The following DEUP1 variants were observed in gnomAD, a reference collection of about 807,000 sequenced individuals.
The protein encoded by DEUP1 is coiled-coil domain containing 67.
A neutral mutation model predicts 87.4 loss-of-function variants in DEUP1; 82 were observed. The observed-to-expected ratio is 0.94, with a 90% CI of 0.78 to 1.13. The LOEUF (loss-of-function observed/expected upper bound fraction) is 1.13. Among genes scored for constraint, DEUP1 ranks in the 50% most tolerant of loss-of-function variants. The probability of loss-of-function intolerance (pLI) is 0.00; values close to 1 mark genes in which losing one functional copy is unlikely to be tolerated. For synonymous variants in DEUP1, 214 were observed against 222.7 expected (o/e 0.96, Z 0.35); for missense variants, 663 against 681.5 (o/e 0.97, Z 0.30).
At position 93,371,306 on chromosome 11, in the gene DEUP1, A is replaced by G. The variant is rs1204351768; in HGVS notation, c.789+26A>G. ...GTGAAGATTAATTTTTTTTCAACTA[A>G]TATTGTCCATGACTTGTATAAATGG... On this transcript the variant is annotated intron_variant, in intron 7 of 13. Coordinates refer to ENST00000298050, the MANE Select transcript of DEUP1 (RefSeq NM_181645.4). 10 of 1,600,096 alleles carry G rather than the reference A, an allele frequency of 6.2e-6. No homozygotes were observed. The South Asian group carries it at 1.0e-4, about 16-fold the overall frequency.
At chr11:93,419,351 T>C (rs1947785297) in intron 13 of DEUP1, among the ~76,000 whole-genome samples, 2 of 152,154 alleles carry the variant, frequency 1.3e-5, no homozygotes, top group African/African-American at 2.4e-5. Context: ...GTGCTGTGTG[T>C]CATAGCCTGT....
At chr11:93,340,211 G>T (rs1480560159) in intron 2 of DEUP1, among the ~76,000 whole-genome samples, 1 of 152,026 alleles carries the variant, frequency 6.6e-6, no homozygotes, top group African/African-American at 2.4e-5. Context: ...AGAATAGAGA[G>T]TTACAGAGTA....
chr11:93,382,404 T>C (rs1210559821), intron 7 of DEUP1, among the ~76,000 whole-genome samples: 1 of 152,224 alleles, frequency 6.6e-6, no homozygotes, highest in Non-Finnish European at 1.5e-5. Flanking sequence ...ATTTGTATTA[T>C]GAAAAGTTTG....
At chr11:93,418,877 T>G (rs1454166127) in intron 13 of DEUP1, among the ~76,000 whole-genome samples, 1 of 152,148 alleles carries the variant, frequency 6.6e-6, no homozygotes, top group African/African-American at 2.4e-5. Context: ...TTCATGTCCT[T>G]TGTAGGGATA....
intron 2 of DEUP1, among the ~76,000 whole-genome samples, chr11:93,333,908 A>G (rs1943612160): frequency 6.6e-6 from 1 of 152,224 alleles, no homozygotes; most frequent in African/African-American, 2.4e-5. Context: ...CTAAGAGCTA[A>G]GATGCAGATT....
chr11:93,357,189 T>C (rs1335550824), intron 4 of DEUP1, 146 bp downstream of exon 4: 2 of 572,290 alleles, frequency 3.5e-6, no homozygotes, highest in Non-Finnish European at 6.1e-6. Flanking sequence ...CCCTGTTTTA[T>C]ATGCATTGAT....
rs544067477 is a variant in DEUP1 at position 93,339,738 on chromosome 11, G to A, written c.29+7450G>A. ...CCCACCTTACACAGTGTCGGAGGAG[G>A]CCACGTAGGAAAGAGTAATGAGGCA... On this transcript the variant is annotated intron_variant, in intron 2 of 13. Coordinates refer to ENST00000298050, the MANE Select transcript of DEUP1 (RefSeq NM_181645.4). Among the ~76,000 whole-genome samples, 8 of 152,268 alleles carry A rather than the reference G, an allele frequency of 5.3e-5. No homozygotes were observed. In the South Asian group the frequency reaches 1.5e-3, roughly 28 times the overall value.
In DEUP1 at chr11:93,351,829, A is replaced by G. The variant is rs183381322; in HGVS notation, c.30-3542A>G. ...GTGAATATCATATTGAATAAACCAAAGGAACATCATCTTTTTGGGCTGACT... is the reference window on the plus strand; with the variant it reads ...GTGAATATCATATTGAATAAACCAAGGGAACATCATCTTTTTGGGCTGACT... On this transcript the variant is annotated intron_variant, in intron 2 of 13. Transcript: ENST00000298050. Among the ~76,000 whole-genome samples the G allele has an allele frequency of 3.3e-5, 5 of 152,350 alleles. No individual in the cohort carries two copies. In the East Asian group the frequency reaches 7.7e-4, roughly 23 times the overall value.
At chr11:93,356,608 A>G (rs1330196142) in intron 3 of DEUP1, among the ~76,000 whole-genome samples, 1 of 152,192 alleles carries the variant, frequency 6.6e-6, no homozygotes, top group Non-Finnish European at 1.5e-5. Flanking sequence ...AGAAAAAAAA[A>G]GCTGAATTAT....
intron 9 of DEUP1, among the ~76,000 whole-genome samples, chr11:93,391,391 G>A (rs1169667494): frequency 6.6e-6 from 1 of 152,014 alleles, no homozygotes; most frequent in African/African-American, 2.4e-5. Flanking sequence ...TTTCACAGTA[G>A]TATATTCATT....
chr11:93,343,102 C>A (rs1009836620), intron 2 of DEUP1, among the ~76,000 whole-genome samples: 1 of 152,142 alleles, frequency 6.6e-6, no homozygotes, highest in African/African-American at 2.4e-5. Context: ...TGCAGATACA[C>A]AATTAGAAGT....
chr11:93,407,460 A>G (rs1197855372), intron 11 of DEUP1, among the ~76,000 whole-genome samples: 1 of 152,110 alleles, frequency 6.6e-6, no homozygotes, highest in Admixed American at 6.5e-5. Context: ...TAATTAAACA[A>G]CATATGACTG....
At chr11:93,356,818 G>C (rs1241082207) in intron 3 of DEUP1, 130 bp from the exon 4 acceptor site, 4 of 668,100 alleles carry the variant, frequency 6.0e-6, no homozygotes, top group South Asian at 1.7e-5. Context: ...ATTTTAAGAA[G>C]TGCAGTACAA....
chr11:93,435,237 CCTT>C (rs1948209578), intron 13 of DEUP1, among the ~76,000 whole-genome samples: 1 of 152,116 alleles, frequency 6.6e-6, no homozygotes, highest in African/African-American at 2.4e-5. Flanking sequence ...TGGCTGGTCT[CCTT>C]GAGGGATGAT....
rs546495645 is a variant in DEUP1 at position 93,394,685 on chromosome 11, C to CT, written c.1239+30dup. ...TGCAAGCAGGCAGAATAGCACTTGT[C>CT]TAGGGCACATTCTTGCTCAGTGCCA... On this transcript the variant is annotated intron_variant, in intron 10 of 13. Transcript: ENST00000298050. 310 of 1,516,136 alleles carry CT rather than the reference C, an allele frequency of 2.0e-4. 2 individuals carry two copies. The African/African-American group carries it at 4.0e-3, about 19-fold the overall frequency. 93.9% of individuals were successfully genotyped at this position (1,516,136 alleles called of 1,614,324 possible).
intron 2 of DEUP1, among the ~76,000 whole-genome samples, chr11:93,346,238 T>C (rs1435619493): frequency 1.3e-5 from 2 of 152,206 alleles, no homozygotes; most frequent in Admixed American, 1.3e-4. Flanking sequence ...ACCCATACCA[T>C]GCTGTTTTAA....
chr11:93,384,849 T>C (rs144873906), intron 7 of DEUP1, among the ~76,000 whole-genome samples: 21 of 152,324 alleles, frequency 1.4e-4, no homozygotes, highest in African/African-American at 4.6e-4. Context: ...TGCCACTAGA[T>C]TGTAAGTTCA....
In DEUP1 at chr11:93,371,248, C is replaced by A; in HGVS notation, c.757C>A (p.Gln253Lys). Residue 253 changes from glutamine (Q) to lysine (K), a missense_variant, in exon 7 of 14, where the codon CAA becomes AAA. Physicochemically the swap from Gln to Lys is moderately conservative, Grantham distance 53. Coordinates refer to ENST00000298050, the MANE Select transcript of DEUP1 (RefSeq NM_181645.4). Reference sequence around the variant, plus strand: ...ACAAGATGAAAATCAGAAGCTCTTGCAAGAACTGAAAATGTACCAAAGACA... The same window carrying A: ...ACAAGATGAAAATCAGAAGCTCTTGAAAGAACTGAAAATGTACCAAAGACA... ...KLQDENQKLL[Q>K]ELKMYQRQCQ... 1 of 1,612,920 alleles carries A rather than the reference C, an allele frequency of 6.2e-7. No individual in the cohort carries two copies. The highest frequency in any genetic ancestry group is 1.1e-5 in the South Asian group (1 of 90,844).
At chr11:93,342,610 A>T (rs1944137834) in intron 2 of DEUP1, among the ~76,000 whole-genome samples, 1 of 152,150 alleles carries the variant, frequency 6.6e-6, no homozygotes, top group Non-Finnish European at 1.5e-5. Context: ...ATTTTGTTAC[A>T]TGTCCATGCC....
Sources: gnomAD v4.1 joint callset for allele counts (sites outside exome capture counted in the v4.1 genomes callset) on GRCh38, gnomAD v4.1.1 for gene constraint, MANE v1.5 for transcripts, NCBI Gene and HGNC (gene_info 2026-07-23, HGNC 2026-07-21) for gene names.